FGF14: variants seen among roughly 807,000 people sequenced by gnomAD.
The protein encoded by FGF14 is fibroblast growth factor homologous factor 4.
In FGF14, 5 loss-of-function variants were observed where a neutral mutation model predicts 25.5. That is an observed-to-expected ratio of 0.20 (90% CI 0.10 to 0.41). The LOEUF (loss-of-function observed/expected upper bound fraction) is 0.41. Ranked by LOEUF, FGF14 falls within the 10% of genes least tolerant of loss-of-function variation. The probability of loss-of-function intolerance (pLI) is 1.00; values close to 1 mark genes in which losing one functional copy is unlikely to be tolerated. For synonymous variants in FGF14, 138 were observed against 118.3 expected, an observed-to-expected ratio of 1.17 and a Z score of -1.08; for missense variants, 222 against 320.1, an observed-to-expected ratio of 0.69 and a Z score of 2.34.
At chr13:102,266,053 T>C (rs1026126561) in intron 1 of FGF14, among the ~76,000 whole-genome samples, 4 of 151,988 alleles carry the variant, frequency 2.6e-5, no homozygotes, top group African/African-American at 9.6e-5. Flanking sequence ...AAAATACCAA[T>C]ACAAAATGAG....
chr13:101,768,041 A>G (rs1450340319), intron 3 of FGF14, among the ~76,000 whole-genome samples: 2 of 152,130 alleles, frequency 1.3e-5, no homozygotes, highest in Non-Finnish European at 2.9e-5. Flanking sequence ...TGTTTCTAAA[A>G]CGAACATAAA....
At chr13:101,973,990 G>A (rs746212668) in intron 1 of FGF14, among the ~76,000 whole-genome samples, 4 of 152,076 alleles carry the variant, frequency 2.6e-5, no homozygotes, top group Non-Finnish European at 5.9e-5. Context: ...TATTAGAATG[G>A]AAATATTTCA....
At chr13:101,795,441 CT>C (rs2040467961) in intron 3 of FGF14, among the ~76,000 whole-genome samples, 1 of 151,960 alleles carries the variant, frequency 6.6e-6, no homozygotes, top group Non-Finnish European at 1.5e-5. Flanking sequence ...TAACTTAGAC[CT>C]TCTGGGATAT....
chr13:101,992,078 T>C (rs1399697560), intron 1 of FGF14, among the ~76,000 whole-genome samples: 1 of 152,094 alleles, frequency 6.6e-6, no homozygotes. Context: ...GAGCAAAGGC[T>C]CACTAAACAC....
intron 1 of FGF14, among the ~76,000 whole-genome samples, chr13:102,236,847 C>A (rs975911509): frequency 7.2e-5 from 11 of 152,178 alleles, no homozygotes; most frequent in African/African-American, 2.7e-4. Context: ...GGGTGATTCC[C>A]TTCACTCATG....
chr13:102,223,735 G>A (rs922216674), intron 1 of FGF14, among the ~76,000 whole-genome samples: 8 of 151,934 alleles, frequency 5.3e-5, no homozygotes, highest in East Asian at 1.9e-4. Flanking sequence ...TATCCCAAAC[G>A]TTGCTACCAC....
chr13:102,347,393 G>A (rs1363615750), intron 1 of FGF14, among the ~76,000 whole-genome samples: 1 of 152,148 alleles, frequency 6.6e-6, no homozygotes, highest in Non-Finnish European at 1.5e-5. Flanking sequence ...ACCCAGTGTG[G>A]CAGCTTGTCA....
At chr13:102,344,221 G>C (rs2057036903) in intron 1 of FGF14, among the ~76,000 whole-genome samples, 1 of 152,130 alleles carries the variant, frequency 6.6e-6, no homozygotes, top group African/African-American at 2.4e-5. Flanking sequence ...AAATCACTTA[G>C]ATGTCAGAAT....
intron 1 of FGF14, among the ~76,000 whole-genome samples, chr13:102,206,614 G>A (rs2049937907): frequency 6.6e-6 from 1 of 152,028 alleles, no homozygotes; most frequent in Non-Finnish European, 1.5e-5. Flanking sequence ...CCAGGAGGTG[G>A]AGGTTACAGT....
chr13:102,128,027 C>T (rs1462975189), intron 1 of FGF14, among the ~76,000 whole-genome samples: 1 of 152,028 alleles, frequency 6.6e-6, no homozygotes, highest in Non-Finnish European at 1.5e-5. Context: ...TTTCTGAACA[C>T]TGCCTGCCCC....
chr13:102,144,421 T>G (rs2046768049), intron 1 of FGF14, among the ~76,000 whole-genome samples: 1 of 152,152 alleles, frequency 6.6e-6, no homozygotes. Context: ...AAATCAATGA[T>G]TTACTTTATA....
intron 1 of FGF14, among the ~76,000 whole-genome samples, chr13:101,992,160 A>G (rs2038944360): frequency 6.6e-6 from 1 of 152,124 alleles, no homozygotes; most frequent in African/African-American, 2.4e-5. Flanking sequence ...TAGGGCTTCC[A>G]TATAAAAACA....
intron 1 of FGF14, among the ~76,000 whole-genome samples, chr13:102,384,606 C>G (rs1424009781): frequency 1.3e-5 from 2 of 152,088 alleles, no homozygotes; most frequent in African/African-American, 2.4e-5. Flanking sequence ...CTCTTGAGCC[C>G]TATAGCATCA....
upstream of FGF14, among the ~76,000 whole-genome samples, chr13:101,917,677 C>T (rs2033674461): frequency 6.6e-6 from 1 of 152,088 alleles, no homozygotes; most frequent in Non-Finnish European, 1.5e-5. Context: ...CACTCCTCAC[C>T]TAGTCCACCC....
chr13:102,290,102 A>G (rs999176806), intron 1 of FGF14, among the ~76,000 whole-genome samples: 4 of 152,204 alleles, frequency 2.6e-5, no homozygotes, highest in African/African-American at 9.6e-5. Flanking sequence ...GGTACAATGA[A>G]CTGAATGATT....
At chr13:102,008,722 T>A (rs2039932450) in intron 1 of FGF14, among the ~76,000 whole-genome samples, 1 of 152,200 alleles carries the variant, frequency 6.6e-6, no homozygotes, top group South Asian at 2.1e-4. Flanking sequence ...TTCCAGGATG[T>A]GAGCAGCTGT....
intron 3 of FGF14, among the ~76,000 whole-genome samples, chr13:101,843,990 A>G (rs920007781): frequency 6.6e-6 from 1 of 152,024 alleles, no homozygotes; most frequent in African/African-American, 2.4e-5. Context: ...ATAGTGTCAT[A>G]TTGTAAAGAC....
intron 1 of FGF14, among the ~76,000 whole-genome samples, chr13:102,308,676 CT>C (rs1313874687): frequency 1.3e-5 from 2 of 152,144 alleles, no homozygotes; most frequent in Non-Finnish European, 2.9e-5. Context: ...ATTTCTTCAT[CT>C]GTAAAATAAA....
chr13:102,346,604 A>G (rs2057113434), intron 1 of FGF14, among the ~76,000 whole-genome samples: 1 of 152,168 alleles, frequency 6.6e-6, no homozygotes, highest in Non-Finnish European at 1.5e-5. Flanking sequence ...AGCTCAGAAT[A>G]TATACACATA....
Sources: gnomAD v4.1 joint callset for allele counts (sites outside exome capture counted in the v4.1 genomes callset) on GRCh38, gnomAD v4.1.1 for gene constraint, MANE v1.5 for transcripts, NCBI Gene and HGNC (gene_info 2026-07-23, HGNC 2026-07-21) for gene names.